Variants in TUBA3C observed in about 807,000 individuals in gnomAD.
TUBA3C encodes the protein tubulin alpha 3c.
A neutral mutation model predicts 33.4 loss-of-function variants in TUBA3C; 23 were observed. That is an observed-to-expected ratio of 0.69 (90% CI 0.50 to 0.98). TUBA3C has a LOEUF of 0.98. TUBA3C is among the 50% of genes least tolerant of loss of function. TUBA3C has a pLI of 0.00. For missense variants in TUBA3C, 402 were observed against 616.0 expected, an observed-to-expected ratio of 0.65 and a Z score of 3.68; for synonymous variants, 269 against 250.4, an observed-to-expected ratio of 1.07 and a Z score of -0.70.
Position 19,176,959 on chromosome 13 carries a change from G to A in TUBA3C, c.1024C>T (p.Gln342Ter). ...IATIKTKRTI[Q>*]FVDWCPTGFK... Reference sequence around the variant, plus strand: ...CCAGTTGGGCACCAATCTACAAACTGGATGGTGCGCTTGGTCTTGATGGTG... The same window carrying A: ...CCAGTTGGGCACCAATCTACAAACTAGATGGTGCGCTTGGTCTTGATGGTG... The change falls in exon 4 of 5, where the codon CAG becomes TAG. Residue 342 changes from glutamine (Q) to a stop codon, truncating the protein, a stop_gained. Coordinates refer to ENST00000400113, the MANE Select transcript of TUBA3C (RefSeq NM_006001.3). LOFTEE classifies it high-confidence loss of function. 6.2e-7 allele frequency: 1 copy of A among 1,613,900 alleles called. No homozygotes were observed. The highest frequency in any genetic ancestry group is 2.2e-5 in the East Asian group (1 of 44,860).
chr13:19,181,310 G>T lies in TUBA3C; in HGVS notation c.3+435C>A, dbSNP rs1232737091. Among the ~76,000 whole-genome samples, 3 of 152,072 alleles carry T rather than the reference G, an allele frequency of 2.0e-5. No homozygotes were observed. In the East Asian group the frequency reaches 5.8e-4, roughly 30 times the overall value. ...AGGGGATTCCCCGCCTCCAACTCCC[G>T]TCTGAGCTTTAATTCCTGATCTGAC... On this transcript the variant is annotated intron_variant, in intron 1 of 4. Transcript: ENST00000400113.
rs1593261000 is a variant in TUBA3C, at chr13:19,177,170, G to A, written c.813C>T (p.Thr271=). 6 of 1,614,038 alleles carry A rather than the reference G, an allele frequency of 3.7e-6. No individual in the cohort carries two copies. The highest frequency in any genetic ancestry group is 4.2e-6 in the Non-Finnish European group (5 of 1,180,018). ...PYPRIHFPLA[T]YAPVISAEKA... is the part of the protein sequence containing the mutation. ...TCTCGGCTGAGATGACCGGGGCGTAGGTGGCCAGGGGGAAGTGGATGCGGG... is the reference window on the plus strand; with the variant it reads ...TCTCGGCTGAGATGACCGGGGCGTAAGTGGCCAGGGGGAAGTGGATGCGGG... The change falls in exon 4 of 5, where the codon ACC becomes ACT. Residue 271 remains threonine, a synonymous_variant. Transcript: ENST00000400113. The surrounding 1 kb of genome is among the most constrained non-coding windows in gnomAD (Gnocchi z 5.0).
In TUBA3C at chr13:19,179,368, A is replaced by T; in HGVS notation, c.199T>A (p.Phe67Ile). 1 of 1,614,012 alleles carries T rather than the reference A, an allele frequency of 6.2e-7. No homozygotes were observed. Reference sequence around the variant, plus strand: ...ACCACAGTGGGCTCCAGGTCCACAAACACTGCTCTGGGCACGTGCTTGCCA... The same window carrying T: ...ACCACAGTGGGCTCCAGGTCCACAATCACTGCTCTGGGCACGTGCTTGCCA... ...GAGKHVPRAV[F>I]VDLEPTVVDE... Residue 67 changes from phenylalanine to isoleucine, a missense_variant, in exon 2 of 5, where the codon TTT (phenylalanine) becomes ATT (isoleucine). Transcript: ENST00000400113.
chr13:19,180,736 A>T (rs578141388), intron 1 of TUBA3C, among the ~76,000 whole-genome samples: 1 of 151,698 alleles, frequency 6.6e-6, no homozygotes, highest in Non-Finnish European at 1.5e-5. Context: ...ACCTTTTGAT[A>T]TGCCCGCCTT....
In TUBA3C at chr13:19,179,330, C is replaced by T. The variant is rs779430295; in HGVS notation, c.226+11G>A. On this transcript the variant is annotated intron_variant, in intron 2 of 4. Coordinates refer to ENST00000400113, the MANE Select transcript of TUBA3C (RefSeq NM_006001.3). ...CCTAAGAAAGCTGCCATCCAGGACC[C>T]GAGCACCTACCGACCACAGTGGGCT... 124 of 1,613,724 alleles carry T rather than the reference C, an allele frequency of 7.7e-5. No individual in the cohort carries two copies. Among genetic ancestry groups the T allele is most frequent in the Non-Finnish European group, 9.1e-5 (107 of 1,179,776 alleles).
chr13:19,174,371 C>T (rs530710981), intron 4 of TUBA3C, among the ~76,000 whole-genome samples: 7 of 152,006 alleles, frequency 4.6e-5, no homozygotes, highest in Admixed American at 3.3e-4. Context: ...TGGGCCCAAT[C>T]GATCCACCCA....
At chr13:19,178,213 G>A (rs767350166) in intron 3 of TUBA3C, 33 bp downstream of exon 3, 2 of 1,613,052 alleles carry the variant, frequency 1.2e-6, no homozygotes, top group South Asian at 2.2e-5. Flanking sequence ...CTCCTGTGCA[G>A]GACAATGGTC....
At chr13:19,176,840 A>G in intron 4 of TUBA3C, 87 bp downstream of exon 4, 1 of 1,518,622 alleles carries the variant, frequency 6.6e-7, no homozygotes, top group Non-Finnish European at 8.9e-7. Context: ...TAGTATCCTC[A>G]AAGGATGTGG....
rs2297224 is a variant in TUBA3C, at chr13:19,177,404, C to T, written c.579G>A (p.Thr193=). The T allele has an allele frequency of 0.25, 402,237 of 1,613,784 alleles. 51,653 individuals carry two copies. Among genetic ancestry groups the T allele is most frequent in the East Asian group, 0.38 (17,226 of 44,828 alleles). The change falls in exon 4 of 5, where the codon ACG becomes ACA. Residue 193 remains threonine (T), a synonymous_variant. Coordinates refer to ENST00000400113, the MANE Select transcript of TUBA3C (RefSeq NM_006001.3). The surrounding 1 kb of genome is among the most constrained non-coding windows in gnomAD (Gnocchi z 5.0). ...AGGCACAGTCAGAATGTTCCAGGGTCGTGTGGGTGGTCAGGATGGAGTTGT... is the reference window on the plus strand; with the variant it reads ...AGGCACAGTCAGAATGTTCCAGGGTTGTGTGGGTGGTCAGGATGGAGTTGT... ...EPYNSILTTH[T]TLEHSDCAFM...
rs1869104168 is a variant in TUBA3C, at chr13:19,174,162, G to A, written c.1057-3C>T. 6.2e-7 allele frequency: 1 copy of A among 1,608,798 alleles called. No homozygotes were observed. The highest frequency in any genetic ancestry group is 8.5e-7 in the Non-Finnish European group (1 of 1,176,770). ...GGGGGCTGGTAGTTAATGCCCACCTGCCGGAGAAGAGGAAGAAACAGTCCA... is the reference window on the plus strand; with the variant it reads ...GGGGGCTGGTAGTTAATGCCCACCTACCGGAGAAGAGGAAGAAACAGTCCA... On this transcript the variant is annotated splice_region_variant and splice_polypyrimidine_tract_variant and intron_variant, in intron 4 of 4. Coordinates refer to ENST00000400113, the MANE Select transcript of TUBA3C (RefSeq NM_006001.3).
At chr13:19,175,437 T>C (rs1869144665) in intron 4 of TUBA3C, among the ~76,000 whole-genome samples, 2 of 152,152 alleles carry the variant, frequency 1.3e-5, no homozygotes, top group Admixed American at 1.3e-4. Flanking sequence ...TCTTGTGGCA[T>C]TTCTCTGTTG....
At chr13:19,175,994 T>C (rs1869166802) in intron 4 of TUBA3C, among the ~76,000 whole-genome samples, 1 of 152,210 alleles carries the variant, frequency 6.6e-6, no homozygotes. Context: ...TCCGCCTGCC[T>C]TGGCCTCCCA....
chr13:19,175,156 G>A (rs1478823960), intron 4 of TUBA3C, among the ~76,000 whole-genome samples: 1 of 152,182 alleles, frequency 6.6e-6, no homozygotes, highest in Non-Finnish European at 1.5e-5. Flanking sequence ...GGAGGCTGAG[G>A]CGGGAGAATG....
chr13:19,176,286 C>CA (rs1869176892), intron 4 of TUBA3C, among the ~76,000 whole-genome samples: 1 of 151,844 alleles, frequency 6.6e-6, no homozygotes, highest in Admixed American at 6.6e-5. Context: ...TGTAGTGGTG[C>CA]ATGTCTGTGG....
At chr13:19,178,507 T>C (rs1869284448) in intron 2 of TUBA3C, 113 bp from the exon 3 acceptor site, 3 of 1,422,558 alleles carry the variant, frequency 2.1e-6, no homozygotes, top group African/African-American at 1.4e-5. Context: ...GTACATGACC[T>C]ACATGTTGTA....
intron 2 of TUBA3C, among the ~76,000 whole-genome samples, chr13:19,178,648 C>T (rs1402677309): frequency 6.6e-6 from 1 of 152,196 alleles, no homozygotes; most frequent in Admixed American, 6.5e-5. Flanking sequence ...TCAGCACGAC[C>T]AGCTCCCAGT....
chr13:19,175,563 C>T (rs1869149770), intron 4 of TUBA3C, among the ~76,000 whole-genome samples: 1 of 152,158 alleles, frequency 6.6e-6, no homozygotes, highest in South Asian at 2.1e-4. Context: ...CTGTGGGTGT[C>T]TCTTCTTCTC....
At chr13:19,175,637 G>A (rs1041524534) in intron 4 of TUBA3C, among the ~76,000 whole-genome samples, 1 of 152,206 alleles carries the variant, frequency 6.6e-6, no homozygotes, top group Non-Finnish European at 1.5e-5. Context: ...TCTGAACACA[G>A]CCACCACACC....
chr13:19,179,090 C>T lies in TUBA3C; in HGVS notation c.226+251G>A, dbSNP rs541088524. Among the ~76,000 whole-genome samples the T allele has an allele frequency of 2.2e-3, 337 of 152,326 alleles. 4 individuals carry two copies. The highest frequency in any genetic ancestry group is 0.01 in the Middle Eastern group (3 of 294). ...CTGAACAGGGCTGAGGCAGCCACGA[C>T]GGAATCTCTCCACAGCCCATCTTAC... On this transcript the variant is annotated intron_variant, in intron 2 of 4. Transcript: ENST00000400113.
Sources: gnomAD v4.1 joint callset for allele counts (sites outside exome capture counted in the v4.1 genomes callset) on GRCh38, gnomAD v4.1.1 for gene constraint, Gnocchi (gnomAD v3.1) non-coding constraint, MANE v1.5 for transcripts, NCBI Gene and HGNC (gene_info 2026-07-23, HGNC 2026-07-21) for gene names.